ACO1: variants seen among roughly 807,000 people sequenced by gnomAD.
The protein encoded by ACO1 is aconitase 1.
Under a neutral mutation model 105.1 loss-of-function variants are expected in ACO1, and 78 were observed. The ratio of observed to expected loss-of-function variants is 0.74; its 90% CI spans 0.62 to 0.90. ACO1 has a LOEUF of 0.90. Among genes scored for constraint, ACO1 ranks in the 40% least tolerant of loss-of-function variants. ACO1 has a pLI of 0.00. For synonymous variants in ACO1, 364 were observed against 397.4 expected, an observed-to-expected ratio of 0.92 and a Z score of 1.00; for missense variants, 965 against 1,111.1, an observed-to-expected ratio of 0.87 and a Z score of 1.87.
chr9:32,411,162 G>A (rs907573689), intron 4 of ACO1, among the ~76,000 whole-genome samples: 6 of 152,156 alleles, frequency 3.9e-5, no homozygotes, highest in South Asian at 2.1e-4. Context: ...CAGTCCACCC[G>A]TCTTCGGTGG....
chr9:32,451,682 T>C lies in ACO1; in HGVS notation c.*1571T>C, dbSNP rs1822769663. ...TGGAATCTAATCCTCTTTCTACTTC[T>C]CACCAGATGAGGGATCAAGACAGGT... On this transcript the variant is annotated 3_prime_UTR_variant, in exon 21 of 21. Coordinates refer to ENST00000309951, the MANE Select transcript of ACO1 (RefSeq NM_002197.3). 6.6e-6 allele frequency: 1 copy of C among 152,168 alleles called. No individual in the cohort carries two copies. The highest frequency in any genetic ancestry group is 1.5e-5 in the Non-Finnish European group (1 of 68,050). The allele number at this position is 152,168 out of a possible 1,614,324, so 9.4% of individuals were successfully genotyped here. A position where few individuals can be genotyped will look rare whatever the true frequency, so the allele number is the denominator to read the frequency against.
In ACO1 at chr9:32,408,656, G is replaced by C. The variant is rs777874288; in HGVS notation, c.404+5G>C. On this transcript the variant is annotated splice_donor_5th_base_variant and intron_variant, in intron 4 of 20. Coordinates refer to ENST00000309951, the MANE Select transcript of ACO1 (RefSeq NM_002197.3). ...CCAGGTTGATTTCAACAGAAGGTGAGAGATTAAAACGAATACCTGAGTGTT... is the reference window on the plus strand; with the variant it reads ...CCAGGTTGATTTCAACAGAAGGTGACAGATTAAAACGAATACCTGAGTGTT... 1.2e-6 allele frequency: 2 copies of C among 1,613,836 alleles called. No individual in the cohort carries two copies. Among genetic ancestry groups the C allele is most frequent in the African/African-American group, 2.7e-5 (2 of 74,940 alleles).
At chr9:32,391,517 G>A (rs1265906562) in intron 1 of ACO1, among the ~76,000 whole-genome samples, 2 of 152,192 alleles carry the variant, frequency 1.3e-5, no homozygotes, top group African/African-American at 4.8e-5. Context: ...AGATGAATTA[G>A]TAAGGCTGTT....
chr9:32,390,475 A>T (rs73644951), intron 1 of ACO1, among the ~76,000 whole-genome samples: 19,421 of 152,166 alleles, frequency 0.13, 1,416 homozygotes, highest in East Asian at 0.29. Flanking sequence ...TGCTTATCTT[A>T]GTCTCCTTGT....
Position 32,419,135 on chromosome 9 carries a change from C to A in ACO1, c.756C>A (p.His252Gln). 1.2e-6 allele frequency: 2 copies of A among 1,606,554 alleles called. No individual in the cohort carries two copies. The highest frequency in any genetic ancestry group is 1.7e-6 in the Non-Finnish European group (2 of 1,176,306). Residue 252 changes from histidine to glutamine, a missense_variant, in exon 7 of 21, where the codon CAC becomes CAA. Transcript: ENST00000309951. ...GCTACAGGCTGATGGGGAAGCCCCA[C>A]CCTCTGGTAACATCCACTGACATCG... is the stretch of plus-strand genomic sequence containing the variant. ...VIGYRLMGKP[H>Q]PLVTSTDIVL...
chr9:32,412,936 T>G (rs956570623), intron 4 of ACO1, among the ~76,000 whole-genome samples: 1 of 152,098 alleles, frequency 6.6e-6, no homozygotes, highest in Non-Finnish European at 1.5e-5. Context: ...TGTAATATAG[T>G]TTTCATGTCT....
intron 18 of ACO1, among the ~76,000 whole-genome samples, chr9:32,440,015 C>T (rs1005599370): frequency 6.6e-6 from 1 of 152,006 alleles, no homozygotes; most frequent in Non-Finnish European, 1.5e-5. Flanking sequence ...GCCTGTAATC[C>T]CAGCACTTTG....
chr9:32,408,529 G>A lies in ACO1; in HGVS notation c.282G>A (p.Val94=). 6.2e-7 allele frequency: 1 copy of A among 1,614,118 alleles called. No individual in the cohort carries two copies. The highest frequency in any genetic ancestry group is 8.5e-7 in the Non-Finnish European group (1 of 1,180,028). ...ILQDFTGVPA[V]VDFAAMRDAV... ...CTTCTCTTAGGGGTGTGCCCGCTGTGGTTGACTTTGCTGCAATGCGTGATG... is the reference window on the plus strand; with the variant it reads ...CTTCTCTTAGGGGTGTGCCCGCTGTAGTTGACTTTGCTGCAATGCGTGATG... Residue 94 remains valine, a synonymous_variant, in exon 4 of 21, where the codon GTG becomes GTA. Transcript: ENST00000309951.
In ACO1 at chr9:32,431,614, G is replaced by A. The variant is rs1048372539; in HGVS notation, c.1727-105G>A. 53 of 1,254,010 alleles carry A rather than the reference G, an allele frequency of 4.2e-5. 1 individual carries two copies. Among genetic ancestry groups the A allele is most frequent in the Admixed American group, 8.0e-5 (4 of 50,080 alleles). 77.7% of individuals were successfully genotyped at this position (1,254,010 alleles called of 1,614,324 possible). A position where few individuals can be genotyped will look rare whatever the true frequency, so the allele number is the denominator to read the frequency against. On this transcript the variant is annotated intron_variant, in intron 14 of 20. Coordinates refer to ENST00000309951, the MANE Select transcript of ACO1 (RefSeq NM_002197.3). The stretch of plus-strand genomic sequence containing the variant: ...GTATCCAGTCATTCAGTGTTCACAC[G>A]GGCTTTATAGAACATAACTACCGAG...
At position 32,418,370 on chromosome 9, in the gene ACO1, G is replaced by C; in HGVS notation, c.517G>C (p.Gly173Arg). ...TCACAACATGCGGATTATTCCCCCT[G>C]GCTCAGGAATCATCCACCAGGTGAA... is the stretch of plus-strand genomic sequence containing the variant. ...AFHNMRIIPPGSGIIHQVNLE... is the reference protein window; with the variant it reads ...AFHNMRIIPPRSGIIHQVNLE... Residue 173 changes from glycine (G) to arginine (R), a missense_variant, in exon 6 of 21, where the codon GGC (glycine) becomes CGC (arginine). Coordinates refer to ENST00000309951, the MANE Select transcript of ACO1 (RefSeq NM_002197.3). 1 of 1,614,154 alleles carries C rather than the reference G, an allele frequency of 6.2e-7. No homozygotes were observed. Among genetic ancestry groups the C allele is most frequent in the Non-Finnish European group, 8.5e-7 (1 of 1,180,036 alleles).
intron 1 of ACO1, among the ~76,000 whole-genome samples, chr9:32,394,129 A>G (rs1040477913): frequency 3.9e-5 from 6 of 152,138 alleles, no homozygotes; most frequent in Non-Finnish European, 7.4e-5. Flanking sequence ...GATTCCCACA[A>G]TGTCACACTT....
At position 32,431,800 on chromosome 9, in the gene ACO1, A is replaced by G; in HGVS notation, c.1808A>G (p.Tyr603Cys). Reference protein sequence around the residue: ...RDEIQAVERQYVIPGMFKEVY... With the variant: ...RDEIQAVERQCVIPGMFKEVY... ...GAGATCCAGGCAGTGGAGCGTCAGT[A>G]TGTCATCCCGGGGATGTTTAAGGAA... The change falls in exon 15 of 21, where the codon TAT becomes TGT. Residue 603 changes from tyrosine to cysteine, a missense_variant. Coordinates refer to ENST00000309951, the MANE Select transcript of ACO1 (RefSeq NM_002197.3). 1 of 1,614,156 alleles carries G rather than the reference A, an allele frequency of 6.2e-7. No individual in the cohort carries two copies. Among genetic ancestry groups the G allele is most frequent in the East Asian group, 2.2e-5 (1 of 44,882 alleles).
intron 19 of ACO1, among the ~76,000 whole-genome samples, chr9:32,441,131 A>G (rs879494656): frequency 6.6e-6 from 1 of 152,220 alleles, no homozygotes; most frequent in African/African-American, 2.4e-5. Flanking sequence ...TTCACTGCCT[A>G]TGAATATCTG....
chr9:32,411,915 G>T (rs1821747404), intron 4 of ACO1, among the ~76,000 whole-genome samples: 3 of 151,976 alleles, frequency 2.0e-5, no homozygotes, highest in South Asian at 2.1e-4. Flanking sequence ...TTCTCACTCT[G>T]TTCCCTAGAC....
intron 19 of ACO1, among the ~76,000 whole-genome samples, chr9:32,443,480 T>C (rs747655195): frequency 6.6e-6 from 1 of 152,228 alleles, no homozygotes; most frequent in African/African-American, 2.4e-5. Flanking sequence ...TCACTGTCTA[T>C]GAATCATCTC....
intron 19 of ACO1, among the ~76,000 whole-genome samples, chr9:32,444,952 C>G (rs1250518698): frequency 1.3e-5 from 2 of 152,234 alleles, no homozygotes; most frequent in East Asian, 1.9e-4. Context: ...GCCTTGCATC[C>G]CAGGGATGAA....
chr9:32,425,763 A>AT, intron 10 of ACO1, 75 bp from the exon 11 acceptor site: 2 of 1,092,278 alleles, frequency 1.8e-6, no homozygotes. Flanking sequence ...ATATGTATGT[A>AT]TTTTCCTCTA....
rs1587540903 is a variant in ACO1 at position 32,426,145 on chromosome 9, T to C, written c.1348+148T>C. 1.4e-5 allele frequency: 11 copies of C among 777,528 alleles called. No individual in the cohort carries two copies. In the East Asian group the frequency reaches 2.9e-4, roughly 21 times the overall value. 48.2% of individuals were successfully genotyped at this position (777,528 alleles called of 1,614,324 possible). A position where few individuals can be genotyped will look rare whatever the true frequency, so the allele number is the denominator to read the frequency against. The stretch of plus-strand genomic sequence containing the variant: ...ACAGATATTTATTGGCCCATAAATA[T>C]CTACACAATAAATAGTATCCAAAGC... On this transcript the variant is annotated intron_variant, in intron 11 of 20. Coordinates refer to ENST00000309951, the MANE Select transcript of ACO1 (RefSeq NM_002197.3).
intron 4 of ACO1, 109 bp from the exon 5 acceptor site, chr9:32,418,019 C>A: frequency 1.1e-6 from 1 of 896,496 alleles, no homozygotes; most frequent in South Asian, 1.6e-5. Context: ...CATATTATCA[C>A]TCAGCAAGCA....
Sources: gnomAD v4.1 joint callset for allele counts (sites outside exome capture counted in the v4.1 genomes callset) on GRCh38, gnomAD v4.1.1 for gene constraint, MANE v1.5 for transcripts, NCBI Gene and HGNC (gene_info 2026-07-23, HGNC 2026-07-21) for gene names.